Variants in ANKS1B observed in about 807,000 individuals in gnomAD.
ANKS1B encodes the protein ankyrin repeat and sterile alpha motif domain-containing protein 1B.
ANKS1B carries 36 observed loss-of-function variants against 148.3 expected under a neutral mutation model. The observed-to-expected ratio is 0.24, with a 90% CI of 0.19 to 0.32. ANKS1B has a LOEUF of 0.32. Among genes scored for constraint, ANKS1B ranks in the 10% least tolerant of loss-of-function variants. The pLI, the probability that ANKS1B is intolerant of heterozygous loss-of-function variation, is 1.00. For synonymous variants in ANKS1B, 542 were observed against 560.8 expected (o/e 0.97, Z 0.47); for missense variants, 1,157 against 1,542.6 (o/e 0.75, Z 4.19).
At chr12:99,058,648 T>A (rs2041148779) in intron 16 of ANKS1B, among the ~76,000 whole-genome samples, 1 of 151,334 alleles carries the variant, frequency 6.6e-6, no homozygotes, top group Admixed American at 6.6e-5. Context: ...TACCTCCACA[T>A]CTTCGCTCAT....
chr12:98,808,908 A>T (rs1419476132), intron 19 of ANKS1B, among the ~76,000 whole-genome samples: 1 of 152,232 alleles, frequency 6.6e-6, no homozygotes, highest in Non-Finnish European at 1.5e-5. Flanking sequence ...TGCAGGAAGA[A>T]GGCAAGCACA....
intron 14 of ANKS1B, among the ~76,000 whole-genome samples, chr12:99,185,212 G>T (rs2153868690): frequency 6.6e-6 from 1 of 152,220 alleles, no homozygotes; most frequent in East Asian, 1.9e-4. Flanking sequence ...AGATTACCAT[G>T]CCATTTAAAA....
intron 19 of ANKS1B, among the ~76,000 whole-genome samples, chr12:98,811,628 G>C (rs1220914280): frequency 1.3e-5 from 2 of 152,192 alleles, no homozygotes; most frequent in Non-Finnish European, 2.9e-5. Flanking sequence ...TCATGGCAAA[G>C]GAGGAAAAGC....
chr12:98,873,652 G>C (rs922825400), intron 17 of ANKS1B, among the ~76,000 whole-genome samples: 1 of 152,156 alleles, frequency 6.6e-6, no homozygotes, highest in African/African-American at 2.4e-5. Flanking sequence ...AGGAATCAAA[G>C]GGGCAACTGC....
chr12:99,489,243 GAAA>G (rs34006525), intron 10 of ANKS1B, among the ~76,000 whole-genome samples: 49 of 82,328 alleles, frequency 6.0e-4, no homozygotes, highest in African/African-American at 1.8e-3. Flanking sequence ...CTCCATCTCA[GAAA>G]AAAAAAAAAA....
intron 12 of ANKS1B, among the ~76,000 whole-genome samples, chr12:99,357,418 T>G (rs1294303171): frequency 6.6e-6 from 1 of 152,150 alleles, no homozygotes; most frequent in Non-Finnish European, 1.5e-5. Context: ...AGTTTAAATC[T>G]CATCTCCAGC....
chr12:99,059,788 C>CATATATATATATATATAGATATATAT (rs2041729484), intron 16 of ANKS1B, among the ~76,000 whole-genome samples: 1 of 90,322 alleles, frequency 1.1e-5, no homozygotes, highest in Non-Finnish European at 2.1e-5. Flanking sequence ...AACTAAAATT[C>CATATATATATATATATAGATATATAT]ATATATATAT....
intron 9 of ANKS1B, among the ~76,000 whole-genome samples, chr12:99,505,989 C>G (rs942239738): frequency 6.6e-6 from 1 of 152,022 alleles, no homozygotes; most frequent in African/African-American, 2.4e-5. Context: ...AGTTACTTAC[C>G]CTTGTGGTTT....
intron 8 of ANKS1B, among the ~76,000 whole-genome samples, chr12:99,657,332 C>T (rs1220103331): frequency 6.6e-6 from 1 of 152,120 alleles, no homozygotes; most frequent in Non-Finnish European, 1.5e-5. Context: ...ATTCTGTGAC[C>T]ACTCCTTTGG....
chr12:99,377,154 C>T (rs1283519138), intron 12 of ANKS1B, among the ~76,000 whole-genome samples: 6 of 151,820 alleles, frequency 4.0e-5, no homozygotes, highest in Non-Finnish European at 8.8e-5. Context: ...ACTACAGTCG[C>T]GCGTGACCAG....
chr12:99,598,746 T>C (rs1597834697), intron 9 of ANKS1B, among the ~76,000 whole-genome samples: 2 of 152,016 alleles, frequency 1.3e-5, no homozygotes, highest in South Asian at 4.2e-4. Context: ...GGCAAAAATA[T>C]ATGTGATAAA....
intron 10 of ANKS1B, among the ~76,000 whole-genome samples, chr12:99,498,657 T>C (rs2096627100): frequency 6.6e-6 from 1 of 152,160 alleles, no homozygotes; most frequent in Non-Finnish European, 1.5e-5. Context: ...CTGTTCCTTA[T>C]GCAATATTTA....
chr12:99,716,976 C>A (rs2057418743), intron 8 of ANKS1B, among the ~76,000 whole-genome samples: 2 of 152,140 alleles, frequency 1.3e-5, no homozygotes, highest in Non-Finnish European at 2.9e-5. Context: ...CACCCACCTG[C>A]CCAGCAATTT....
intron 18 of ANKS1B, chr12:98,831,022 AC>A (rs966276032): frequency 4.9e-5 from 6 of 122,406 alleles, no homozygotes; most frequent in African/African-American, 1.9e-4. Flanking sequence ...ATCTCGGCCC[AC>A]TGCATCCTCT....
At chr12:99,442,255 C>T (rs149581156) in intron 11 of ANKS1B, among the ~76,000 whole-genome samples, 139 of 151,952 alleles carry the variant, frequency 9.1e-4, no homozygotes, top group African/African-American at 3.3e-3. Flanking sequence ...GTCTAGAACT[C>T]CTGGGCTCAA....
At position 99,536,597 on chromosome 12, in the gene ANKS1B, A is replaced by C. The variant is rs140045942; in HGVS notation, c.1273-31956T>G. On this transcript the variant is annotated intron_variant, in intron 9 of 26. Transcript: ENST00000683438. ...TTGTTGCTATTAGACCTACTCTATA[A>C]GAAATATGAAATTTTTATTTTAATT... Among the ~76,000 whole-genome samples, 36 of 152,224 alleles carry C rather than the reference A, an allele frequency of 2.4e-4. 2 individuals are homozygous for C. In the East Asian group the frequency reaches 6.8e-3, roughly 29 times the overall value.
At chr12:99,421,410 C>A (rs929323852) in intron 11 of ANKS1B, among the ~76,000 whole-genome samples, 1 of 152,022 alleles carries the variant, frequency 6.6e-6, no homozygotes, top group African/African-American at 2.4e-5. Flanking sequence ...AAGTAGAAAC[C>A]TTCCGGGGGC....
intron 19 of ANKS1B, among the ~76,000 whole-genome samples, chr12:98,828,650 G>C (rs927486734): frequency 2.6e-5 from 4 of 152,222 alleles, no homozygotes; most frequent in African/African-American, 9.6e-5. Context: ...GAACGTGACA[G>C]ATCTCCCTTT....
chr12:99,748,682 C>T (rs555586710), intron 8 of ANKS1B, among the ~76,000 whole-genome samples: 16 of 151,882 alleles, frequency 1.1e-4, no homozygotes, highest in African/African-American at 2.9e-4. Flanking sequence ...ATATATAATA[C>T]GTTGAATCGT....
Sources: gnomAD v4.1 joint callset for allele counts (sites outside exome capture counted in the v4.1 genomes callset) on GRCh38, gnomAD v4.1.1 for gene constraint, MANE v1.5 for transcripts, NCBI Gene and HGNC (gene_info 2026-07-23, HGNC 2026-07-21) for gene names.